Variants in RGS9 observed in about 807,000 individuals in gnomAD.
RGS9 encodes the protein regulator of G-protein signalling 9.
In RGS9, 78 loss-of-function variants were observed where a neutral mutation model predicts 102.0. The ratio of observed to expected loss-of-function variants is 0.76; its 90% CI spans 0.64 to 0.92. The LOEUF is 0.92. Ranked by LOEUF, RGS9 falls within the 40% of genes least tolerant of loss-of-function variation. The probability of loss-of-function intolerance (pLI) is 0.00; values close to 1 mark genes in which losing one functional copy is unlikely to be tolerated. For synonymous variants in RGS9, 353 were observed against 318.6 expected (o/e 1.11, Z -1.15); for missense variants, 833 against 866.1 (o/e 0.96, Z 0.48).
chr17:65,177,328 T>G (rs2144035645), intron 8 of RGS9, among the ~76,000 whole-genome samples: 1 of 151,892 alleles, frequency 6.6e-6, no homozygotes, highest in African/African-American at 2.4e-5. Context: ...TGTCTGGCCA[T>G]CCATCCATCC....
At position 65,182,515 on chromosome 17, in the gene RGS9, C is replaced by T. The variant is rs569276940; in HGVS notation, c.654+4712C>T. On this transcript the variant is annotated intron_variant, in intron 9 of 18. Transcript: ENST00000262406. The stretch of plus-strand genomic sequence containing the variant: ...CAGGATCTGAACCTCAGCTGATGGC[C>T]GCCAGAGCCCACTCCACATCCTGCC... Among the ~76,000 whole-genome samples the T allele has an allele frequency of 1.5e-4, 23 of 152,346 alleles. 1 individual carries two copies. Among genetic ancestry groups the T allele is most frequent in the Middle Eastern group, 3.4e-3 (1 of 294 alleles).
At chr17:65,171,655 C>T (rs534626884) in intron 8 of RGS9, among the ~76,000 whole-genome samples, 1 of 152,262 alleles carries the variant, frequency 6.6e-6, no homozygotes, top group Non-Finnish European at 1.5e-5. Flanking sequence ...GAGATCATCA[C>T]TGGCAAAGGC....
Position 65,189,298 on chromosome 17 carries a change from G to A in RGS9, c.667G>A (p.Val223Ile), listed in dbSNP as rs570957320. Residue 223 changes from valine (V) to isoleucine (I), a missense_variant, in exon 10 of 19, where the codon GTT becomes ATT. Coordinates refer to ENST00000262406, the MANE Select transcript of RGS9 (RefSeq NM_003835.4). Reference protein sequence around the residue: ...EVKVNQKQTVVAVKKEIMYYQ... With the variant: ...EVKVNQKQTVIAVKKEIMYYQ... ...CTTTGTCTTACAGAAACAAACAGTC[G>A]TTGCTGTCAAAAAAGAGGTAATTAG... 3.7e-5 allele frequency: 60 copies of A among 1,612,392 alleles called. No homozygotes were observed. Among genetic ancestry groups the A allele is most frequent in the East Asian group, 1.8e-4 (8 of 44,868 alleles).
chr17:65,226,993 C>T (rs8078298), intron 18 of RGS9, among the ~76,000 whole-genome samples: 11,090 of 152,158 alleles, frequency 0.073, 1,367 homozygotes, highest in African/African-American at 0.25. Context: ...ATCAAAACCA[C>T]AGGGATCCGA....
chr17:65,142,368 G>T (rs1010953705), intron 1 of RGS9, among the ~76,000 whole-genome samples: 3 of 152,160 alleles, frequency 2.0e-5, no homozygotes. Flanking sequence ...GCTGTTTGAC[G>T]TTTTAAAATC....
At chr17:65,158,583 A>G in intron 3 of RGS9, 1 of 589,790 alleles carries the variant, frequency 1.7e-6, no homozygotes, top group Non-Finnish European at 3.1e-6. Context: ...GGGAGGACTC[A>G]GTCAAGAAAG....
intron 2 of RGS9, among the ~76,000 whole-genome samples, chr17:65,154,636 C>T (rs781740322): frequency 3.9e-5 from 6 of 152,212 alleles, no homozygotes; most frequent in Admixed American, 1.3e-4. Flanking sequence ...CCACTGTCTC[C>T]TCTCTGTGTG....
intron 9 of RGS9, among the ~76,000 whole-genome samples, chr17:65,180,571 A>G (rs1387347088): frequency 6.6e-6 from 1 of 152,048 alleles, no homozygotes; most frequent in African/African-American, 2.4e-5. Flanking sequence ...GCTGGTCTTG[A>G]ACTCCTGACC....
chr17:65,161,002 T>C (rs1598572279), intron 6 of RGS9, 93 bp downstream of exon 6: 1 of 1,016,318 alleles, frequency 9.8e-7, no homozygotes, highest in Non-Finnish European at 1.6e-6. Context: ...TACATTCATA[T>C]GCGCCCACAT....
intron 17 of RGS9, among the ~76,000 whole-genome samples, chr17:65,216,720 A>T (rs1049853260): frequency 6.6e-6 from 1 of 152,176 alleles, no homozygotes; most frequent in Non-Finnish European, 1.5e-5. Flanking sequence ...GCTTCTGGTG[A>T]GGGAGATTTC....
In RGS9 at chr17:65,182,988, G is replaced by A. The variant is rs370813372; in HGVS notation, c.654+5185G>A. Among the ~76,000 whole-genome samples, 30 of 152,082 alleles carry A rather than the reference G, an allele frequency of 2.0e-4. 1 individual carries two copies. Among genetic ancestry groups the A allele is most frequent in the South Asian group, 8.3e-4 (4 of 4,822 alleles). ...TTGATGAGGTCGTACCTGGCTGGAC[G>A]GCTATTTACTTCACATGATCGCAAT... On this transcript the variant is annotated intron_variant, in intron 9 of 18. Transcript: ENST00000262406.
chr17:65,196,166 C>T (rs547242581), intron 12 of RGS9, among the ~76,000 whole-genome samples: 135 of 152,164 alleles, frequency 8.9e-4, no homozygotes, highest in Non-Finnish European at 1.7e-3. Context: ...TTTAAGGATT[C>T]GATGGTATGT....
Position 65,227,357 on chromosome 17 carries a change from G to T in RGS9, c.1975G>T (p.Gly659Cys). 6.2e-7 allele frequency: 1 copy of T among 1,614,196 alleles called. No homozygotes were observed. ...GGAGGATGCTGGAACAGGAGAGTCG[G>T]GTGACCGGGCCACAGAAAAGGAGGT... ...DSEDAGTGES[G>C]DRATEKEVIC... Residue 659 changes from glycine (G) to cysteine (C), a missense_variant, in exon 19 of 19, where the codon GGT becomes TGT. Coordinates refer to ENST00000262406, the MANE Select transcript of RGS9 (RefSeq NM_003835.4).
chr17:65,209,663 G>A (rs746057995), intron 16 of RGS9, among the ~76,000 whole-genome samples: 3 of 152,226 alleles, frequency 2.0e-5, no homozygotes, highest in African/African-American at 4.8e-5. Flanking sequence ...TTGCACATGA[G>A]CAGGGTACCA....
At chr17:65,226,780 TTTTTTTGTA>T (rs2144138737) in intron 18 of RGS9, among the ~76,000 whole-genome samples, 1 of 152,130 alleles carries the variant, frequency 6.6e-6, no homozygotes, top group Non-Finnish European at 1.5e-5. Flanking sequence ...GCCCGGCTAA[TTTTTTTGTA>T]TTTTTAGTAG....
chr17:65,188,320 A>G (rs1912213741), intron 9 of RGS9, among the ~76,000 whole-genome samples: 1 of 152,342 alleles, frequency 6.6e-6, no homozygotes, highest in African/African-American at 2.4e-5. Flanking sequence ...GGACACCCTG[A>G]AGCTTATCCC....
At chr17:65,204,751 A>G (rs1301990762) in intron 15 of RGS9, among the ~76,000 whole-genome samples, 3 of 152,146 alleles carry the variant, frequency 2.0e-5, no homozygotes, top group Non-Finnish European at 4.4e-5. Flanking sequence ...CATTATAATA[A>G]CAGCCATCAT....
intron 7 of RGS9, among the ~76,000 whole-genome samples, chr17:65,166,004 G>A (rs1194400604): frequency 6.7e-6 from 1 of 148,446 alleles, no homozygotes; most frequent in Non-Finnish European, 1.5e-5. Context: ...GGAGCTGGGG[G>A]CCTGGAGCAA....
chr17:65,151,358 A>T (rs1251040802), intron 1 of RGS9, among the ~76,000 whole-genome samples: 24 of 146,516 alleles, frequency 1.6e-4, no homozygotes, highest in African/African-American at 6.0e-4. Flanking sequence ...AAAAAAAAAA[A>T]GAGTCCTTCA....
Sources: allele counts gnomAD v4.1 joint callset (sites outside exome capture counted in the v4.1 genomes callset), GRCh38; gene constraint gnomAD v4.1.1; transcripts MANE v1.5; gene names NCBI Gene and HGNC (gene_info 2026-07-23, HGNC 2026-07-21).